Variants in HABP4 observed in about 807,000 individuals in gnomAD.
The protein encoded by HABP4 is intracellular hyaluronan-binding protein 4.
Under a neutral mutation model 44.1 loss-of-function variants are expected in HABP4, and 32 were observed. That is an observed-to-expected ratio of 0.73 (90% CI 0.55 to 0.97). HABP4 has a LOEUF of 0.97. HABP4 is among the 50% of genes least tolerant of loss of function. HABP4 has a pLI of 0.00. For missense variants in HABP4, 503 were observed against 561.9 expected (o/e 0.90, Z 1.06); for synonymous variants, 216 against 218.0 (o/e 0.99, Z 0.08).
intron 5 of HABP4, 130 bp downstream of exon 5, chr9:96,471,224 C>A: frequency 3.2e-6 from 2 of 620,580 alleles, no homozygotes; most frequent in Non-Finnish European, 3.0e-6. Context: ...CTCACTGCAA[C>A]CTCCACTTCC....
At chr9:96,466,804 A>G (rs1832608397) in intron 4 of HABP4, among the ~76,000 whole-genome samples, 1 of 152,182 alleles carries the variant, frequency 6.6e-6, no homozygotes, top group South Asian at 2.1e-4. Flanking sequence ...CTGCAGAAGA[A>G]GAGGTAGGGC....
chr9:96,489,317 A>G (rs1833035834), intron 7 of HABP4, among the ~76,000 whole-genome samples: 1 of 151,970 alleles, frequency 6.6e-6, no homozygotes, highest in South Asian at 2.1e-4. Context: ...GTGTTGGGAA[A>G]CCACTCTGAG....
At chr9:96,460,350 C>T (rs1254876229) in intron 2 of HABP4, among the ~76,000 whole-genome samples, 1 of 152,078 alleles carries the variant, frequency 6.6e-6, no homozygotes, top group East Asian at 1.9e-4. Context: ...TATCATTCAT[C>T]CCCCACCACA....
At chr9:96,456,773 AAAAAAAAATATATATATATAT>A (rs1175858398) in intron 1 of HABP4, among the ~76,000 whole-genome samples, 1 of 69,310 alleles carries the variant, frequency 1.4e-5, no homozygotes, top group African/African-American at 6.4e-5. Context: ...AAAAAAAAAA[AAAAAAAAATATATATATATAT>A]ATATATATAT....
Position 96,485,452 on chromosome 9 carries a change from C to T in HABP4, c.999+819C>T, listed in dbSNP as rs187698518. ...TTTGCGCCCCCTGCCTAACTGCAGA[C>T]GTGGCGGGAGATGAGTCCCCGAACG... is the stretch of plus-strand genomic sequence containing the variant. On this transcript the variant is annotated intron_variant, in intron 6 of 7. Coordinates refer to ENST00000375249, the MANE Select transcript of HABP4 (RefSeq NM_014282.4). Among the ~76,000 whole-genome samples, 1,031 of 152,304 alleles carry T rather than the reference C, an allele frequency of 6.8e-3. 8 individuals carry two copies. Among genetic ancestry groups the T allele is most frequent in the Non-Finnish European group, 0.01 (708 of 68,028 alleles).
chr9:96,471,326 A>G (rs1832695459), intron 5 of HABP4, among the ~76,000 whole-genome samples: 1 of 152,096 alleles, frequency 6.6e-6, no homozygotes, highest in Admixed American at 6.5e-5. Flanking sequence ...CATTTTTAGT[A>G]GAGATGGCAT....
chr9:96,455,424 C>T (rs531857019), intron 1 of HABP4, among the ~76,000 whole-genome samples: 2 of 148,658 alleles, frequency 1.3e-5, no homozygotes, highest in Admixed American at 1.4e-4. Flanking sequence ...TGCACTCCAG[C>T]CTGGCAGTCT....
At chr9:96,462,324 G>A (rs891409517) in intron 2 of HABP4, among the ~76,000 whole-genome samples, 3 of 151,900 alleles carry the variant, frequency 2.0e-5, no homozygotes, top group South Asian at 2.1e-4. Context: ...GGTGGCACAC[G>A]CCTGTGATCC....
At chr9:96,459,728 T>C (rs1275484034) in intron 2 of HABP4, among the ~76,000 whole-genome samples, 1 of 152,152 alleles carries the variant, frequency 6.6e-6, no homozygotes, top group Non-Finnish European at 1.5e-5. Context: ...TGTAAAACTA[T>C]ACTATAGAGC....
Position 96,490,765 on chromosome 9 carries a change from A to G in HABP4, c.*727A>G, listed in dbSNP as rs550773670. 3 of 152,340 alleles carry G rather than the reference A, an allele frequency of 2.0e-5. No homozygotes were observed. Among genetic ancestry groups the G allele is most frequent in the East Asian group, 3.9e-4 (2 of 5,184 alleles). 9.4% of individuals were successfully genotyped at this position (152,340 alleles called of 1,614,324 possible). ...AAAAACCATGTTATTTAACCTGCCA[A>G]TCAAATGGAAAGGGATCATGGCAAA... is the stretch of plus-strand genomic sequence containing the variant. On this transcript the variant is annotated 3_prime_UTR_variant, in exon 8 of 8. Transcript: ENST00000375249.
rs1331335120 is a variant in HABP4, at chr9:96,452,148, AC to A, written c.349+1523del. Among the ~76,000 whole-genome samples the A allele has an allele frequency of 6.6e-5, 10 of 150,958 alleles. No homozygotes were observed. The South Asian group carries it at 2.1e-3, about 32-fold the overall frequency. Reference sequence around the variant, plus strand: ...AGGCTGAGGCAGGAGAATGGCGTGAACCCAGGAGGCGGAGCTTGCAGTGAGC... The same window carrying A: ...AGGCTGAGGCAGGAGAATGGCGTGAACCAGGAGGCGGAGCTTGCAGTGAGC... On this transcript the variant is annotated intron_variant, in intron 1 of 7. Transcript: ENST00000375249.
chr9:96,489,950 G>A (rs756600286), intron 7 of HABP4, 32 bp from the exon 8 acceptor site: 6 of 1,386,446 alleles, frequency 4.3e-6, no homozygotes, highest in African/African-American at 2.8e-5. Flanking sequence ...TGAAGGGGCA[G>A]TGGATTTCAA....
chr9:96,467,164 C>T (rs1832615982), intron 4 of HABP4, among the ~76,000 whole-genome samples: 1 of 152,208 alleles, frequency 6.6e-6, no homozygotes, highest in East Asian at 1.9e-4. Context: ...CTCAGGTAAT[C>T]CACCTGCCTT....
intron 4 of HABP4, among the ~76,000 whole-genome samples, chr9:96,469,496 A>G (rs1832658315): frequency 6.6e-6 from 1 of 152,096 alleles, no homozygotes; most frequent in African/African-American, 2.4e-5. Context: ...CCCTGGGGTT[A>G]TATCTTTCTT....
At chr9:96,466,186 A>G (rs751813483) in intron 4 of HABP4, among the ~76,000 whole-genome samples, 7 of 152,156 alleles carry the variant, frequency 4.6e-5, no homozygotes, top group Admixed American at 1.3e-4. Flanking sequence ...CCTGTCCAAC[A>G]TGGTGAAACC....
At chr9:96,476,725 G>C (rs1377794122) in intron 5 of HABP4, among the ~76,000 whole-genome samples, 1 of 152,204 alleles carries the variant, frequency 6.6e-6, no homozygotes, top group Non-Finnish European at 1.5e-5. Context: ...AATGGGAAAT[G>C]GGGTATGCGT....
chr9:96,476,870 G>A (rs1335143931), intron 5 of HABP4, among the ~76,000 whole-genome samples: 1 of 152,182 alleles, frequency 6.6e-6, no homozygotes, highest in Non-Finnish European at 1.5e-5. Flanking sequence ...CAGGGCATTC[G>A]TGCCTCTGAT....
intron 2 of HABP4, 62 bp from the exon 3 acceptor site, chr9:96,465,275 T>G (rs571791278): frequency 9.5e-7 from 1 of 1,058,118 alleles, no homozygotes; most frequent in African/African-American, 1.6e-5. Flanking sequence ...TTTTAGAATT[T>G]TTTTCTGGAG....
chr9:96,473,224 C>T (rs777763767), intron 5 of HABP4, among the ~76,000 whole-genome samples: 2 of 152,210 alleles, frequency 1.3e-5, no homozygotes, highest in Non-Finnish European at 2.9e-5. Flanking sequence ...TGGACACTTT[C>T]CCTGGGACAT....
Sources: gnomAD v4.1 joint callset for allele counts (sites outside exome capture counted in the v4.1 genomes callset) on GRCh38, gnomAD v4.1.1 for gene constraint, MANE v1.5 for transcripts, NCBI Gene and HGNC (gene_info 2026-07-23, HGNC 2026-07-21) for gene names.